Variants in EYS observed in about 807,000 individuals in gnomAD.
EYS encodes the protein EGF-like photoreceptor maintenance factor.
Under a neutral mutation model 282.1 loss-of-function variants are expected in EYS, and 250 were observed. The observed-to-expected ratio is 0.89, with a 90% CI of 0.80 to 0.98. The LOEUF is 0.98. EYS is among the 50% of genes least tolerant of loss of function. The pLI, the probability that EYS is intolerant of heterozygous loss-of-function variation, is 0.00. For missense variants in EYS, 4,016 were observed against 3,709.0 expected (o/e 1.08, Z -2.15); for synonymous variants, 1,355 against 1,282.9 (o/e 1.06, Z -1.20).
chr6:64,293,199 C>A (rs959038929), intron 30 of EYS, among the ~76,000 whole-genome samples: 1 of 151,926 alleles, frequency 6.6e-6, no homozygotes, highest in African/African-American at 2.4e-5. Context: ...CACTTTATTG[C>A]TATTATTTAA....
intron 22 of EYS, among the ~76,000 whole-genome samples, chr6:64,792,556 C>A (rs558793716): frequency 6.6e-6 from 1 of 151,850 alleles, no homozygotes; most frequent in African/African-American, 2.4e-5. Flanking sequence ...ATTTGGAGTT[C>A]TAATATGAGA....
At chr6:65,185,331 A>G (rs376099396) in intron 12 of EYS, among the ~76,000 whole-genome samples, 32 of 151,978 alleles carry the variant, frequency 2.1e-4, no homozygotes, top group African/African-American at 7.7e-4. Flanking sequence ...ATTCACATTC[A>G]GAACACTCAG....
chr6:64,690,724 C>A (rs891701242), intron 22 of EYS, among the ~76,000 whole-genome samples: 1 of 151,818 alleles, frequency 6.6e-6, no homozygotes, highest in Non-Finnish European at 1.5e-5. Flanking sequence ...CATACTCGCG[C>A]AAGGACAGAA....
At chr6:65,547,440 G>A (rs1394941088) in intron 2 of EYS, among the ~76,000 whole-genome samples, 2 of 151,820 alleles carry the variant, frequency 1.3e-5, no homozygotes, top group African/African-American at 4.8e-5. Context: ...TTACAGTAAT[G>A]AATGTTTTAT....
chr6:65,232,457 T>A (rs1408219027), intron 12 of EYS, among the ~76,000 whole-genome samples: 1 of 152,092 alleles, frequency 6.6e-6, no homozygotes, highest in Non-Finnish European at 1.5e-5. Flanking sequence ...AGTCCAAATT[T>A]CTTAACATGC....
chr6:64,314,388 T>A (rs1173264678), intron 29 of EYS, among the ~76,000 whole-genome samples: 1 of 152,004 alleles, frequency 6.6e-6, no homozygotes, highest in East Asian at 1.9e-4. Flanking sequence ...ATAAAGCAAG[T>A]TCTTAGAGAC....
chr6:64,044,518 C>A (rs1451688139), intron 33 of EYS, among the ~76,000 whole-genome samples: 1 of 152,130 alleles, frequency 6.6e-6, no homozygotes, highest in Non-Finnish European at 1.5e-5. Context: ...GGTGAGTGGC[C>A]ATACCCTGGT....
chr6:65,648,329 TGTGTG>T (rs1767529560), intron 1 of EYS, among the ~76,000 whole-genome samples: 2 of 151,736 alleles, frequency 1.3e-5, no homozygotes, highest in African/African-American at 4.8e-5. Context: ...TGTGTGTGTG[TGTGTG>T]TGTGTGTGTG....
At chr6:65,332,551 G>T in intron 11 of EYS, 1 of 707,820 alleles carries the variant, frequency 1.4e-6, no homozygotes, top group African/African-American at 1.8e-5. Context: ...GTATACAGAG[G>T]GTTTATAGTG....
intron 32 of EYS, among the ~76,000 whole-genome samples, chr6:64,080,816 C>T (rs1382972295): frequency 6.6e-6 from 1 of 152,008 alleles, no homozygotes; most frequent in Non-Finnish European, 1.5e-5. Context: ...AATAGGGAAT[C>T]CTTTCCCCAT....
chr6:64,768,193 A>G (rs1452751052), intron 22 of EYS, among the ~76,000 whole-genome samples: 2 of 152,162 alleles, frequency 1.3e-5, no homozygotes, highest in Admixed American at 1.3e-4. Flanking sequence ...ATATTTCAGA[A>G]TAATCATAAG....
chr6:63,875,820 C>A (rs1397937958), intron 35 of EYS, among the ~76,000 whole-genome samples: 1 of 151,866 alleles, frequency 6.6e-6, no homozygotes, highest in Non-Finnish European at 1.5e-5. Flanking sequence ...TGGTGATATC[C>A]CCTTTATCAT....
At chr6:65,046,214 G>C (rs1035559289) in intron 13 of EYS, among the ~76,000 whole-genome samples, 7 of 151,830 alleles carry the variant, frequency 4.6e-5, no homozygotes, top group African/African-American at 1.7e-4. Context: ...AATCACACAA[G>C]TTTGAAGACT....
intron 1 of EYS, among the ~76,000 whole-genome samples, chr6:65,701,484 A>G (rs1769673383): frequency 6.6e-6 from 1 of 152,172 alleles, no homozygotes; most frequent in South Asian, 2.1e-4. Flanking sequence ...CCAGATGATT[A>G]TTTTAAAACA....
chr6:63,724,032 C>T (rs1215818088), intron 42 of EYS, among the ~76,000 whole-genome samples: 1 of 152,024 alleles, frequency 6.6e-6, no homozygotes, highest in Non-Finnish European at 1.5e-5. Context: ...GTCTTGACCT[C>T]CTGACTTCAG....
chr6:65,376,405 C>A (rs756820931), intron 8 of EYS, among the ~76,000 whole-genome samples: 3 of 152,128 alleles, frequency 2.0e-5, no homozygotes, highest in Non-Finnish European at 4.4e-5. Context: ...AAAACTGATA[C>A]CAGCCACTGC....
At chr6:65,047,094 CCT>C (rs138267266) in intron 13 of EYS, among the ~76,000 whole-genome samples, 2 of 148,950 alleles carry the variant, frequency 1.3e-5, no homozygotes, top group Non-Finnish European at 3.0e-5. Flanking sequence ...GTCAATTAAA[CCT>C]CTTTTTTTTT....
At chr6:64,641,519 C>T (rs1354058320) in intron 22 of EYS, among the ~76,000 whole-genome samples, 2 of 152,148 alleles carry the variant, frequency 1.3e-5, no homozygotes, top group Non-Finnish European at 2.9e-5. Flanking sequence ...ATCAAAATAG[C>T]ATCAGAAGGG....
In EYS at chr6:64,912,614, G is replaced by A. The variant is rs999155902; in HGVS notation, c.2511C>T (p.Cys837=). The A allele has an allele frequency of 3.9e-6, 6 of 1,550,932 alleles. No individual in the cohort carries two copies. Among genetic ancestry groups the A allele is most frequent in the African/African-American group, 1.4e-5 (1 of 72,974 alleles). Residue 837 remains cysteine, a synonymous_variant, in exon 16 of 43, where the codon TGC becomes TGT. Transcript: ENST00000503581. The part of the protein sequence containing the change: ...STIPGQFVCL[C]PPLYTGQFCH... ...AAAATTGTCCAGTATAAAGGGGTGG[G>A]CACAGACATACAAATTGTCCAGGGA... is the stretch of plus-strand genomic sequence containing the variant.
Sources: gnomAD v4.1 joint callset for allele counts (sites outside exome capture counted in the v4.1 genomes callset) on GRCh38, gnomAD v4.1.1 for gene constraint, MANE v1.5 for transcripts, NCBI Gene and HGNC (gene_info 2026-07-23, HGNC 2026-07-21) for gene names.